Variants in MLC1 observed in about 807,000 individuals in gnomAD.
The protein encoded by MLC1 is modulator of VRAC current 1.
Under a neutral mutation model 44.7 loss-of-function variants are expected in MLC1, and 32 were observed. The observed-to-expected ratio is 0.72, with a 90% CI of 0.54 to 0.96. MLC1 has a LOEUF of 0.96. Among genes scored for constraint, MLC1 ranks in the 40% least tolerant of loss-of-function variants. The pLI is 0.00. For synonymous variants in MLC1, 190 were observed against 213.0 expected, an observed-to-expected ratio of 0.89 and a Z score of 0.94; for missense variants, 459 against 492.2, an observed-to-expected ratio of 0.93 and a Z score of 0.64.
At chr22:50,079,500 CT>C (rs55760839) in intron 5 of MLC1, among the ~76,000 whole-genome samples, 10,135 of 75,768 alleles carry the variant, frequency 0.13, 249 homozygotes, top group Non-Finnish European at 0.19. Flanking sequence ...GGATTTTTGT[CT>C]TTTTTTTTTT....
chr22:50,068,141 G>A (rs2061757980), intron 10 of MLC1, among the ~76,000 whole-genome samples: 1 of 152,222 alleles, frequency 6.6e-6, no homozygotes, highest in South Asian at 2.1e-4. Context: ...CGAAAAGCAT[G>A]TCTCATAAAC....
At position 50,061,275 on chromosome 22, in the gene MLC1, A is replaced by G. The variant is rs1238176544; in HGVS notation, c.*308T>C. On this transcript the variant is annotated 3_prime_UTR_variant, in exon 12 of 12. Transcript: ENST00000311597. ...CAGGAAGAGGAGCTGGGGCCAGTTC[A>G]GGGGTGGGGCTCTCAAGAGGCCGAG... 10 of 458,898 alleles carry G rather than the reference A, an allele frequency of 2.2e-5. No individual in the cohort carries two copies. Among genetic ancestry groups the G allele is most frequent in the Non-Finnish European group, 4.0e-5 (10 of 247,912 alleles). 28.4% of individuals were successfully genotyped at this position (458,898 alleles called of 1,614,324 possible).
intron 5 of MLC1, among the ~76,000 whole-genome samples, chr22:50,079,661 T>C (rs1398771869): frequency 6.6e-6 from 1 of 151,966 alleles, no homozygotes; most frequent in Non-Finnish European, 1.5e-5. Context: ...GGATGAAACA[T>C]AGTATTATGT....
rs1045583103 is a variant in MLC1 at position 50,061,527 on chromosome 22, C to T, written c.*56G>A. The T allele has an allele frequency of 1.8e-5, 28 of 1,543,580 alleles. No individual in the cohort carries two copies. Among genetic ancestry groups the T allele is most frequent in the Non-Finnish European group, 2.3e-5 (26 of 1,119,368 alleles). On this transcript the variant is annotated 3_prime_UTR_variant, in exon 12 of 12. Coordinates refer to ENST00000311597, the MANE Select transcript of MLC1 (RefSeq NM_015166.4). ...TAGCTCAGGGCGATTAGGGGTTGTG[C>T]GTTTCCATGCTTGGGGCCAGGCTGG...
chr22:50,063,472 CAAAAAAAA>C (rs1186364376), intron 11 of MLC1, among the ~76,000 whole-genome samples: 1 of 79,582 alleles, frequency 1.3e-5, no homozygotes, highest in Non-Finnish European at 2.5e-5. Flanking sequence ...GACTCCTTCT[CAAAAAAAA>C]AAAAAAAAAA....
At chr22:50,070,058 C>T (rs1047591113) in intron 9 of MLC1, among the ~76,000 whole-genome samples, 1 of 151,992 alleles carries the variant, frequency 6.6e-6, no homozygotes, top group Non-Finnish European at 1.5e-5. Context: ...AAAAATTAGC[C>T]GGGCATGGTG....
rs1264295301 is a variant in MLC1, at chr22:50,084,947, T to C, written c.-45A>G. 1 of 1,603,924 alleles carries C rather than the reference T, an allele frequency of 6.2e-7. No homozygotes were observed. Among genetic ancestry groups the C allele is most frequent in the African/African-American group, 1.3e-5 (1 of 74,916 alleles). ...GCTGTGCTGAATGTACAGCCACGTG[T>C]CACCAGTTCTTTATCTGGAATAAAA... On this transcript the variant is annotated 5_prime_UTR_variant, in exon 2 of 12. Coordinates refer to ENST00000311597, the MANE Select transcript of MLC1 (RefSeq NM_015166.4).
chr22:50,068,639 G>A, intron 9 of MLC1, 84 bp from the exon 10 acceptor site: 1 of 658,252 alleles, frequency 1.5e-6, no homozygotes. Flanking sequence ...GGGGGGGCGG[G>A]CATGGCCGGG....
upstream of MLC1, chr22:50,085,680 GCT>G (rs1353289615): frequency 6.6e-6 from 1 of 152,538 alleles, no homozygotes; most frequent in South Asian, 2.1e-4. Context: ...TTCTGAGCAG[GCT>G]CTGTTTCTGA....
rs1023503010 is a variant in MLC1 at position 50,083,491 on chromosome 22, T to C, written c.178-318A>G. On this transcript the variant is annotated intron_variant, in intron 2 of 11. Coordinates refer to ENST00000311597, the MANE Select transcript of MLC1 (RefSeq NM_015166.4). This position sits in a 1 kb window ranked among gnomAD's most constrained non-coding sequence, Gnocchi z 4.6. ...AATGGCACCTCTCCCCACAAAATAC[T>C]CCTGCCCCAACATGTTGTGCGTGCA... is the stretch of plus-strand genomic sequence containing the variant. Among the ~76,000 whole-genome samples, 1 of 152,068 alleles carries C rather than the reference T, an allele frequency of 6.6e-6. No individual in the cohort carries two copies. The highest frequency in any genetic ancestry group is 1.5e-5 in the Non-Finnish European group (1 of 68,012).
At chr22:50,064,334 T>C in intron 10 of MLC1, 136 bp from the exon 11 acceptor site, 1 of 1,004,438 alleles carries the variant, frequency 1.0e-6, no homozygotes, top group Non-Finnish European at 1.5e-6. Flanking sequence ...CCCAAACGCA[T>C]TGCTATTTCA....
In MLC1 at chr22:50,064,066, G is replaced by T; in HGVS notation, c.1027C>A (p.Gln343Lys). 6.4e-7 allele frequency: 1 copy of T among 1,569,404 alleles called. No homozygotes were observed. The part of the protein sequence containing the change: ...ARLQGASWDT[Q>K]NGPQERLAGE... ...GCCAGGCGCTCCTGCGGGCCGTTCTGGGTGTCCCAGGATGCACCCTGCAGC... is the reference window on the plus strand; with the variant it reads ...GCCAGGCGCTCCTGCGGGCCGTTCTTGGTGTCCCAGGATGCACCCTGCAGC... The change falls in exon 11 of 12, where the codon CAG becomes AAG. Residue 343 changes from glutamine (Q) to lysine (K), a missense_variant. Physicochemically the swap from Gln to Lys is moderately conservative, Grantham distance 53. Coordinates refer to ENST00000311597, the MANE Select transcript of MLC1 (RefSeq NM_015166.4).
At chr22:50,078,219 G>A (rs2062030942) in intron 5 of MLC1, among the ~76,000 whole-genome samples, 1 of 151,892 alleles carries the variant, frequency 6.6e-6, no homozygotes, top group Admixed American at 6.6e-5. Flanking sequence ...TCGAACTCCT[G>A]ACCTCAGGTG....
intron 8 of MLC1, 90 bp from the exon 9 acceptor site, chr22:50,070,673 T>G (rs572523989): frequency 8.1e-6 from 11 of 1,351,714 alleles, no homozygotes; most frequent in African/African-American, 1.4e-5. Flanking sequence ...GACCCCTCCA[T>G]GCAGGCTGCC....
At chr22:50,082,705 C>T (rs377116033) in intron 3 of MLC1, among the ~76,000 whole-genome samples, 2 of 152,182 alleles carry the variant, frequency 1.3e-5, no homozygotes, top group Non-Finnish European at 2.9e-5. Flanking sequence ...ACTCTCATTG[C>T]CCAGGCTGGA....
rs2062193662 is a variant in MLC1, at chr22:50,083,284, C to G, written c.178-111G>C. 2.0e-6 allele frequency: 2 copies of G among 982,554 alleles called. No homozygotes were observed. The highest frequency in any genetic ancestry group is 3.2e-6 in the Non-Finnish European group (2 of 631,644). 60.9% of individuals were successfully genotyped at this position (982,554 alleles called of 1,614,324 possible). On this transcript the variant is annotated intron_variant, in intron 2 of 11. Transcript: ENST00000311597. The surrounding 1 kb of genome is among the most constrained non-coding windows in gnomAD (Gnocchi z 4.6). Reference sequence around the variant, plus strand: ...GTGTATTGGTGACTCACCCACGTCCCCCAGCATCAACCACACCCGCACCTG... The same window carrying G: ...GTGTATTGGTGACTCACCCACGTCCGCCAGCATCAACCACACCCGCACCTG...
intron 3 of MLC1, among the ~76,000 whole-genome samples, chr22:50,080,691 C>G (rs921611877): frequency 1.3e-5 from 2 of 152,102 alleles, no homozygotes; most frequent in Admixed American, 6.6e-5. Flanking sequence ...TGAGCCGCTG[C>G]GCCCAACCCC....
chr22:50,069,297 A>G (rs2061793379), intron 9 of MLC1, among the ~76,000 whole-genome samples: 1 of 151,986 alleles, frequency 6.6e-6, no homozygotes, highest in African/African-American at 2.4e-5. Flanking sequence ...AAGTGCTGAG[A>G]TTACAGGCAT....
intron 3 of MLC1, among the ~76,000 whole-genome samples, chr22:50,080,686 C>T (rs965826127): frequency 4.6e-5 from 7 of 152,200 alleles, no homozygotes; most frequent in Non-Finnish European, 7.4e-5. Flanking sequence ...AGGCATGAGC[C>T]GCTGCGCCCA....
Sources: gnomAD v4.1 joint callset for allele counts (sites outside exome capture counted in the v4.1 genomes callset) on GRCh38, gnomAD v4.1.1 for gene constraint, Gnocchi (gnomAD v3.1) non-coding constraint, MANE v1.5 for transcripts, NCBI Gene and HGNC (gene_info 2026-07-23, HGNC 2026-07-21) for gene names.